Variants in DLGAP2 observed in about 807,000 individuals in gnomAD.
DLGAP2 encodes DLG associated protein 2, also known as disks large-associated protein 2.
A neutral mutation model predicts 100.3 loss-of-function variants in DLGAP2; 26 were observed. The ratio of observed to expected loss-of-function variants is 0.26; its 90% CI spans 0.19 to 0.36. DLGAP2 has a LOEUF of 0.36. Among genes scored for constraint, DLGAP2 ranks in the 10% least tolerant of loss-of-function variants. DLGAP2 has a pLI of 1.00. For synonymous variants in DLGAP2, 886 were observed against 630.1 expected, an observed-to-expected ratio of 1.41 and a Z score of -6.08; for missense variants, 1,858 against 1,453.2, an observed-to-expected ratio of 1.28 and a Z score of -4.53.
At chr8:1,256,659 G>C (rs189179883) in intron 2 of DLGAP2, among the ~76,000 whole-genome samples, 3 of 152,176 alleles carry the variant, frequency 2.0e-5, no homozygotes, top group African/African-American at 7.2e-5. Context: ...AGATGCCCGC[G>C]TGGGGAGTCT....
At chr8:882,424 C>CG in intron 1 of DLGAP2, among the ~76,000 whole-genome samples, 1 of 141,478 alleles carries the variant, frequency 7.1e-6, no homozygotes, top group African/African-American at 2.6e-5. Flanking sequence ...TGCGCGCACC[C>CG]TCGCCTGATC....
intron 3 of DLGAP2, among the ~76,000 whole-genome samples, chr8:1,351,757 A>G (rs200110552): frequency 0.45 from 5,041 of 11,178 alleles, 520 homozygotes; most frequent in East Asian, 0.67. Flanking sequence ...GGTCCTGACT[A>G]TGTGTGGAAA....
At chr8:780,447 C>T (rs1821653173) in intron 1 of DLGAP2, among the ~76,000 whole-genome samples, 1 of 152,176 alleles carries the variant, frequency 6.6e-6, no homozygotes, top group Non-Finnish European at 1.5e-5. Context: ...TGTGCAGTGA[C>T]CATAGTGGTA....
chr8:1,192,320 T>A, intron 2 of DLGAP2, among the ~76,000 whole-genome samples: 1 of 152,214 alleles, frequency 6.6e-6, no homozygotes, highest in Non-Finnish European at 1.5e-5. Context: ...TATATATTTA[T>A]GGTGTAGAAT....
chr8:1,171,524 C>G (rs1293103625), intron 2 of DLGAP2, among the ~76,000 whole-genome samples: 1 of 151,798 alleles, frequency 6.6e-6, no homozygotes, highest in Non-Finnish European at 1.5e-5. Flanking sequence ...GTCTAAGTCT[C>G]TTTGTAGGTC....
chr8:1,599,475 T>G (rs1258542193), intron 6 of DLGAP2, among the ~76,000 whole-genome samples: 1 of 152,176 alleles, frequency 6.6e-6, no homozygotes, highest in Non-Finnish European at 1.5e-5. Context: ...AGTCTCCCAT[T>G]ATTATTGTAT....
intron 2 of DLGAP2, among the ~76,000 whole-genome samples, chr8:916,842 G>T (rs981827427): frequency 2.6e-5 from 4 of 152,140 alleles, no homozygotes; most frequent in Admixed American, 6.5e-5. Context: ...TGGGAATTTG[G>T]TCTGGAAGCC....
At chr8:1,109,101 C>T (rs1410134686) in intron 2 of DLGAP2, among the ~76,000 whole-genome samples, 1 of 130,132 alleles carries the variant, frequency 7.7e-6, no homozygotes, top group African/African-American at 2.9e-5. Context: ...GTGAGGTGTG[C>T]ACGGGTCTGT....
intron 1 of DLGAP2, among the ~76,000 whole-genome samples, chr8:843,583 G>A (rs186062866): frequency 1.3e-5 from 2 of 152,306 alleles, no homozygotes; most frequent in Admixed American, 6.5e-5. Context: ...CGGACGCCAC[G>A]TAGATCCTGG....
intron 4 of DLGAP2, among the ~76,000 whole-genome samples, chr8:1,536,645 T>C (rs1801162663): frequency 6.6e-6 from 1 of 152,128 alleles, no homozygotes. Flanking sequence ...TAGAGAAAGA[T>C]GTCAAGGCCA....
intron 5 of DLGAP2, among the ~76,000 whole-genome samples, chr8:1,564,167 A>G (rs1005011601): frequency 8.5e-5 from 13 of 152,134 alleles, no homozygotes; most frequent in Admixed American, 6.5e-4. Context: ...AGTTTGACCT[A>G]TGGAGTGAAC....
rs560482048 is a variant in DLGAP2 at position 1,030,380 on chromosome 8, A to G, written c.73+122414A>G. Among the ~76,000 whole-genome samples, 391 of 152,252 alleles carry G rather than the reference A, an allele frequency of 2.6e-3. 1 individual carries two copies. The highest frequency in any genetic ancestry group is 0.01 in the Middle Eastern group (3 of 294). On this transcript the variant is annotated intron_variant, in intron 2 of 14. Coordinates refer to ENST00000637795, the MANE Select transcript of DLGAP2 (RefSeq NM_001346810.2). ...GTTCTGTTCAAAGTTAGATTTCTTC[A>G]TCAAACATACCAAGGCTTTGAAGCT...
intron 4 of DLGAP2, among the ~76,000 whole-genome samples, chr8:1,513,820 C>T (rs1280086218): frequency 1.3e-5 from 2 of 152,054 alleles, no homozygotes; most frequent in African/African-American, 4.8e-5. Context: ...TCGTACAGTC[C>T]AAGGTCCAAC....
chr8:937,392 A>C (rs1258194368), intron 2 of DLGAP2, among the ~76,000 whole-genome samples: 1 of 152,212 alleles, frequency 6.6e-6, no homozygotes, highest in Admixed American at 6.5e-5. Context: ...GGCTTTCTCC[A>C]AAAAAATTTT....
intron 8 of DLGAP2, among the ~76,000 whole-genome samples, chr8:1,663,871 G>C (rs1456786590): frequency 6.6e-6 from 1 of 152,184 alleles, no homozygotes; most frequent in Non-Finnish European, 1.5e-5. Context: ...CTGCCAGAAG[G>C]TAAATAGTTT....
At chr8:1,526,928 G>T (rs1362766428) in intron 4 of DLGAP2, among the ~76,000 whole-genome samples, 1 of 152,252 alleles carries the variant, frequency 6.6e-6, no homozygotes, top group Non-Finnish European at 1.5e-5. Flanking sequence ...GGCAGGGCAA[G>T]AGCAAAGGAA....
In DLGAP2 at chr8:1,356,467, C is replaced by G. The variant is rs140112540; in HGVS notation, c.106+97584C>G. ...CCGTCAGAGGCTGCAGTGGGCGTCT[C>G]CAGGGCTGCGGACTCTGGGTCCTGG... On this transcript the variant is annotated intron_variant, in intron 3 of 14. Transcript: ENST00000637795. 4.6e-3 allele frequency among the ~76,000 whole-genome samples: 702 copies of G among 152,316 alleles called. 1 individual carries two copies. The highest frequency in any genetic ancestry group is 7.8e-3 in the Non-Finnish European group (530 of 68,032).
intron 3 of DLGAP2, among the ~76,000 whole-genome samples, chr8:1,360,523 C>G (rs1801959555): frequency 6.6e-6 from 1 of 152,108 alleles, no homozygotes; most frequent in Non-Finnish European, 1.5e-5. Context: ...TGTTTGCCCT[C>G]GAGGGGCAGC....
chr8:863,515 A>G (rs1797431989), intron 1 of DLGAP2, among the ~76,000 whole-genome samples: 1 of 152,202 alleles, frequency 6.6e-6, no homozygotes, highest in South Asian at 2.1e-4. Context: ...GATGCTGGAT[A>G]TTAACCGCTG....
Sources: allele counts gnomAD v4.1 joint callset (sites outside exome capture counted in the v4.1 genomes callset), GRCh38; gene constraint gnomAD v4.1.1; transcripts MANE v1.5; gene names NCBI Gene and HGNC (gene_info 2026-07-23, HGNC 2026-07-21).